Variants in NKAIN2 observed in about 807,000 individuals in gnomAD.
The protein encoded by NKAIN2 is sodium/potassium transporting ATPase interacting 2, also known as sodium/potassium-transporting ATPase subunit beta-1-interacting protein 2.
Under a neutral mutation model 32.6 loss-of-function variants are expected in NKAIN2, and 14 were observed. The observed-to-expected ratio is 0.43, with a 90% CI of 0.28 to 0.67. NKAIN2 has a LOEUF of 0.67. Ranked by LOEUF, NKAIN2 falls within the 30% of genes least tolerant of loss-of-function variation. The probability of loss-of-function intolerance (pLI) is 0.17; values close to 1 mark genes in which losing one functional copy is unlikely to be tolerated. For synonymous variants in NKAIN2, 80 were observed against 87.2 expected, an observed-to-expected ratio of 0.92 and a Z score of 0.46; for missense variants, 198 against 258.3, an observed-to-expected ratio of 0.77 and a Z score of 1.60.
In NKAIN2 at chr6:124,610,765, G is replaced by C. The variant is rs1007913199; in HGVS notation, c.274-47421G>C. On this transcript the variant is annotated intron_variant, in intron 3 of 6. Transcript: ENST00000368417. Reference sequence around the variant, plus strand: ...TCACACCTGTGAGATCAGTAAATTTGACCACAGATTAGAAATTTTAAAATG... The same window carrying C: ...TCACACCTGTGAGATCAGTAAATTTCACCACAGATTAGAAATTTTAAAATG... 3.9e-5 allele frequency among the ~76,000 whole-genome samples: 6 copies of C among 152,030 alleles called. No homozygotes were observed. The East Asian group carries it at 9.6e-4, about 24-fold the overall frequency.
At chr6:124,201,353 A>T (rs912825589) in intron 1 of NKAIN2, among the ~76,000 whole-genome samples, 7 of 152,058 alleles carry the variant, frequency 4.6e-5, no homozygotes, top group African/African-American at 1.7e-4. Flanking sequence ...ACTTTTTGGT[A>T]TGATTAAGAA....
At chr6:124,309,570 T>TA (rs929644374) in intron 2 of NKAIN2, among the ~76,000 whole-genome samples, 1 of 152,176 alleles carries the variant, frequency 6.6e-6, no homozygotes, top group Admixed American at 6.6e-5. Context: ...GCATATTATT[T>TA]AAATAATTTA....
intron 1 of NKAIN2, among the ~76,000 whole-genome samples, chr6:123,836,782 G>A (rs901587689): frequency 5.9e-5 from 9 of 152,126 alleles, no homozygotes; most frequent in African/African-American, 1.9e-4. Context: ...AACATTAGGG[G>A]AAGTGTGGTG....
chr6:124,210,214 TC>T (rs1791099984), intron 1 of NKAIN2, among the ~76,000 whole-genome samples: 1 of 151,890 alleles, frequency 6.6e-6, no homozygotes, highest in Non-Finnish European at 1.5e-5. Flanking sequence ...GATTATCCTT[TC>T]CCCAATGTAT....
intron 1 of NKAIN2, among the ~76,000 whole-genome samples, chr6:124,194,207 T>C (rs1790187166): frequency 1.3e-5 from 2 of 151,546 alleles, no homozygotes; most frequent in African/African-American, 4.9e-5. Context: ...TGCTTGAAGG[T>C]GGGGCTTCCA....
chr6:124,303,163 C>G (rs1796365203), intron 2 of NKAIN2, among the ~76,000 whole-genome samples: 1 of 152,174 alleles, frequency 6.6e-6, no homozygotes, highest in Non-Finnish European at 1.5e-5. Context: ...GTGAAGATTA[C>G]AGACAACCAT....
intron 5 of NKAIN2, among the ~76,000 whole-genome samples, chr6:124,791,721 G>A (rs1779756379): frequency 6.6e-6 from 1 of 152,110 alleles, no homozygotes; most frequent in African/African-American, 2.4e-5. Flanking sequence ...TGGCTAACTT[G>A]ACCATTCTCT....
At chr6:124,529,079 A>G (rs1779423495) in intron 3 of NKAIN2, among the ~76,000 whole-genome samples, 1 of 152,206 alleles carries the variant, frequency 6.6e-6, no homozygotes, top group Admixed American at 6.5e-5. Flanking sequence ...CTCAATATAA[A>G]TATCATGACA....
At chr6:124,467,532 G>T (rs1197523114) in intron 3 of NKAIN2, among the ~76,000 whole-genome samples, 1 of 152,038 alleles carries the variant, frequency 6.6e-6, no homozygotes, top group East Asian at 1.9e-4. Context: ...CAAGTTCAGT[G>T]CTGTGTTCTG....
rs139810353 is a variant in NKAIN2, at chr6:124,800,872, A to G, written c.535+9473A>G. Among the ~76,000 whole-genome samples, 9 of 152,282 alleles carry G rather than the reference A, an allele frequency of 5.9e-5. No individual in the cohort carries two copies. The East Asian group carries it at 1.7e-3, about 29-fold the overall frequency. On this transcript the variant is annotated intron_variant, in intron 5 of 6. Coordinates refer to ENST00000368417, the MANE Select transcript of NKAIN2 (RefSeq NM_001040214.3). Reference sequence around the variant, plus strand: ...TTGTTTGTTTATAGGATTAATTGCAAATGTTTTCAGCAAAGAGTGTAGTTT... The same window carrying G: ...TTGTTTGTTTATAGGATTAATTGCAGATGTTTTCAGCAAAGAGTGTAGTTT...
chr6:123,913,382 T>G (rs1176890799), intron 1 of NKAIN2, among the ~76,000 whole-genome samples: 2 of 152,176 alleles, frequency 1.3e-5, no homozygotes, highest in African/African-American at 4.8e-5. Context: ...CCTAGAGAGC[T>G]CTAATAAGAA....
chr6:123,872,077 A>G (rs1772918524), intron 1 of NKAIN2, among the ~76,000 whole-genome samples: 1 of 152,196 alleles, frequency 6.6e-6, no homozygotes, highest in Admixed American at 6.5e-5. Flanking sequence ...TTCTGGTAGC[A>G]TCACCAAAAA....
chr6:124,582,427 G>T (rs542597857), intron 3 of NKAIN2, among the ~76,000 whole-genome samples: 1 of 152,064 alleles, frequency 6.6e-6, no homozygotes, highest in Admixed American at 6.6e-5. Context: ...AATCCAAAAC[G>T]TGCAGACCAC....
chr6:124,299,683 T>C (rs1392150926), intron 2 of NKAIN2, among the ~76,000 whole-genome samples: 1 of 152,200 alleles, frequency 6.6e-6, no homozygotes, highest in Non-Finnish European at 1.5e-5. Flanking sequence ...AAGTATACAT[T>C]ACCCCTTCTT....
At chr6:123,965,935 A>C (rs191004369) in intron 1 of NKAIN2, among the ~76,000 whole-genome samples, 1 of 152,136 alleles carries the variant, frequency 6.6e-6, no homozygotes, top group African/African-American at 2.4e-5. Context: ...GTTAGCACAC[A>C]TTATTGGGAG....
intron 1 of NKAIN2, among the ~76,000 whole-genome samples, chr6:123,815,023 A>T (rs956668543): frequency 2.6e-5 from 4 of 152,236 alleles, no homozygotes; most frequent in African/African-American, 9.6e-5. Context: ...TGAAATGTCC[A>T]CATACGAATA....
chr6:124,342,707 TC>T (rs1279414801), intron 2 of NKAIN2, among the ~76,000 whole-genome samples: 1 of 151,640 alleles, frequency 6.6e-6, no homozygotes, highest in East Asian at 2.0e-4. Flanking sequence ...CGGGGTTTCA[TC>T]CTATTCTAGG....
intron 1 of NKAIN2, among the ~76,000 whole-genome samples, chr6:123,822,283 C>T (rs1388900062): frequency 6.6e-6 from 1 of 151,926 alleles, no homozygotes; most frequent in East Asian, 1.9e-4. Flanking sequence ...CATTTCCTAA[C>T]ATTGGACATT....
At chr6:124,480,047 C>A (rs1388580292) in intron 3 of NKAIN2, among the ~76,000 whole-genome samples, 1 of 152,164 alleles carries the variant, frequency 6.6e-6, no homozygotes, top group Non-Finnish European at 1.5e-5. Context: ...AAAATACAAT[C>A]TTATTTTAGA....
Sources: gnomAD v4.1 joint callset for allele counts (sites outside exome capture counted in the v4.1 genomes callset) on GRCh38, gnomAD v4.1.1 for gene constraint, MANE v1.5 for transcripts, NCBI Gene and HGNC (gene_info 2026-07-23, HGNC 2026-07-21) for gene names.